WWOX: variants seen among roughly 807,000 people sequenced by gnomAD.
The protein encoded by WWOX is WW domain containing oxidoreductase, also known as WW domain-containing oxidoreductase.
Under a neutral mutation model 46.2 loss-of-function variants are expected in WWOX, and 69 were observed. The observed-to-expected ratio is 1.49, with a 90% CI of 1.23 to 1.82. The LOEUF is 1.82. Ranked by LOEUF, WWOX falls within the 40% of genes most tolerant of loss-of-function variation. The pLI is 0.00. For missense variants in WWOX, 919 were observed against 542.6 expected, an observed-to-expected ratio of 1.69 and a Z score of -6.89; for synonymous variants, 359 against 202.6, an observed-to-expected ratio of 1.77 and a Z score of -6.56.
chr16:78,791,406 A>G (rs1381252963), intron 8 of WWOX, among the ~76,000 whole-genome samples: 1 of 152,154 alleles, frequency 6.6e-6, no homozygotes, highest in Non-Finnish European at 1.5e-5. Flanking sequence ...GGCAGTGGAG[A>G]CATCATTCAT....
At chr16:78,366,661 T>C (rs536144680) in intron 5 of WWOX, among the ~76,000 whole-genome samples, 2 of 152,228 alleles carry the variant, frequency 1.3e-5, no homozygotes, top group Non-Finnish European at 2.9e-5. Flanking sequence ...GTTGCCACTT[T>C]TGCTTTCATG....
chr16:79,091,296 T>C (rs76746051), intron 8 of WWOX, among the ~76,000 whole-genome samples: 6 of 152,164 alleles, frequency 3.9e-5, no homozygotes, highest in South Asian at 4.1e-4. Context: ...CTTTTTTTTT[T>C]CTCACCTTTT....
chr16:79,028,781 C>A (rs755723419), intron 8 of WWOX, among the ~76,000 whole-genome samples: 3 of 151,724 alleles, frequency 2.0e-5, no homozygotes, highest in Non-Finnish European at 4.4e-5. Context: ...TGGATAATTA[C>A]ATTTGGTTTG....
intron 5 of WWOX, among the ~76,000 whole-genome samples, chr16:78,236,454 A>G (rs1442743505): frequency 6.6e-6 from 1 of 152,172 alleles, no homozygotes; most frequent in African/African-American, 2.4e-5. Context: ...TTCAAGGGTC[A>G]TTTCATGGTT....
At chr16:78,374,088 C>G (rs750200886) in intron 5 of WWOX, among the ~76,000 whole-genome samples, 13 of 152,182 alleles carry the variant, frequency 8.5e-5, no homozygotes, top group Admixed American at 2.6e-4. Flanking sequence ...TGCCTGGCCA[C>G]CAGGCATATT....
At chr16:78,986,105 C>T (rs1000798647) in intron 8 of WWOX, among the ~76,000 whole-genome samples, 3 of 152,142 alleles carry the variant, frequency 2.0e-5, no homozygotes, top group African/African-American at 4.8e-5. Flanking sequence ...ACCGGGGCTC[C>T]GGGAGACATT....
chr16:78,157,529 T>A (rs2034647724), intron 4 of WWOX, among the ~76,000 whole-genome samples: 1 of 152,190 alleles, frequency 6.6e-6, no homozygotes, highest in African/African-American at 2.4e-5. Context: ...GTCAAATGGA[T>A]TTAGGTGTTA....
At chr16:78,995,379 G>A (rs868168859) in intron 8 of WWOX, among the ~76,000 whole-genome samples, 18 of 152,048 alleles carry the variant, frequency 1.2e-4, no homozygotes, top group African/African-American at 4.4e-4. Context: ...TGCGTTCTTT[G>A]GGGTAGGACA....
rs1288191846 is a variant in WWOX, at chr16:78,099,757, C to T, written c.-22C>T. On this transcript the variant is annotated 5_prime_UTR_variant, in exon 1 of 9. Transcript: ENST00000566780. ...GACCCGGCAGCGGGCGATAGGGGGG[C>T]CAGGTGCCTCCACAGTCAGCCATGG... is the stretch of plus-strand genomic sequence containing the variant. The T allele has an allele frequency of 2.0e-5, 31 of 1,528,236 alleles. No individual in the cohort carries two copies. The highest frequency in any genetic ancestry group is 2.6e-5 in the Non-Finnish European group (30 of 1,137,880). 94.7% of individuals were successfully genotyped at this position (1,528,236 alleles called of 1,614,324 possible).
chr16:78,533,794 G>A (rs75668543), intron 8 of WWOX, among the ~76,000 whole-genome samples: 2,376 of 152,214 alleles, frequency 0.016, 29 homozygotes, highest in African/African-American at 0.027. Context: ...TCCCGAATGC[G>A]TCCTCAGAAC....
At chr16:78,169,364 C>T (rs2035074577) in intron 5 of WWOX, among the ~76,000 whole-genome samples, 1 of 151,908 alleles carries the variant, frequency 6.6e-6, no homozygotes, top group South Asian at 2.1e-4. Context: ...CCTGCATTAC[C>T]ATGGTTTATT....
chr16:78,711,070 G>A (rs1056123178), intron 8 of WWOX, among the ~76,000 whole-genome samples: 1 of 152,184 alleles, frequency 6.6e-6, no homozygotes, highest in African/African-American at 2.4e-5. Flanking sequence ...AAAGTGGAGG[G>A]TGTAAGTTAT....
chr16:78,536,408 G>A (rs1407874607), intron 8 of WWOX, among the ~76,000 whole-genome samples: 2 of 151,806 alleles, frequency 1.3e-5, no homozygotes, highest in African/African-American at 4.8e-5. Flanking sequence ...ATCTGCCCCG[G>A]GGTCCTGTGA....
intron 8 of WWOX, among the ~76,000 whole-genome samples, chr16:78,887,272 A>G (rs867367316): frequency 6.6e-6 from 1 of 151,990 alleles, no homozygotes; most frequent in Non-Finnish European, 1.5e-5. Context: ...TTATACCAGC[A>G]ATTCCCCTGT....
chr16:78,691,288 C>T, intron 8 of WWOX: 2 of 702,188 alleles, frequency 2.8e-6, no homozygotes, highest in Non-Finnish European at 5.2e-6. Flanking sequence ...TTGTCAGTGA[C>T]TTTGGTGAGT....
intron 8 of WWOX, among the ~76,000 whole-genome samples, chr16:78,998,636 G>C (rs966375598): frequency 1.9e-4 from 29 of 152,342 alleles, no homozygotes; most frequent in African/African-American, 6.5e-4. Flanking sequence ...GTAAAAATTA[G>C]ATGACTTTGA....
intron 8 of WWOX, among the ~76,000 whole-genome samples, chr16:79,018,915 A>C (rs897699934): frequency 6.6e-6 from 1 of 151,990 alleles, no homozygotes; most frequent in Admixed American, 6.6e-5. Flanking sequence ...CTTTGGGAGG[A>C]TAAGGTGGGC....
At chr16:79,126,690 C>A in intron 8 of WWOX, among the ~76,000 whole-genome samples, 1 of 152,118 alleles carries the variant, frequency 6.6e-6, no homozygotes, top group East Asian at 1.9e-4. Flanking sequence ...AGCAAGGGAG[C>A]AGTGATGGAG....
chr16:79,094,193 T>C (rs140898250), intron 8 of WWOX, among the ~76,000 whole-genome samples: 35 of 152,266 alleles, frequency 2.3e-4, no homozygotes, highest in African/African-American at 8.2e-4. Flanking sequence ...TGTGCCGATA[T>C]TTCATTACCA....
Sources: gnomAD v4.1 joint callset for allele counts (sites outside exome capture counted in the v4.1 genomes callset) on GRCh38, gnomAD v4.1.1 for gene constraint, MANE v1.5 for transcripts, NCBI Gene and HGNC (gene_info 2026-07-23, HGNC 2026-07-21) for gene names.